ESRRB: variants seen among roughly 807,000 people sequenced by gnomAD.
ESRRB encodes estrogen related receptor beta.
In ESRRB, 16 loss-of-function variants were observed where a neutral mutation model predicts 46.0. The observed-to-expected ratio is 0.35, with a 90% confidence interval of 0.24 to 0.53. The LOEUF is 0.53. Ranked by LOEUF, ESRRB falls within the 20% of genes least tolerant of loss-of-function variation. The pLI is 0.93. For missense variants in ESRRB, 488 were observed against 607.4 expected (o/e 0.80, Z 2.07); for synonymous variants, 246 against 259.6 (o/e 0.95, Z 0.50).
chr14:76,491,542 T>C lies in ESRRB; in HGVS notation c.946T>C (p.Tyr316His), dbSNP rs1479317491. The stretch of plus-strand genomic sequence containing the variant: ...GGGCATCGTGTACCGCTCGCTGCCC[T>C]ATGACGACAAGCTGGTGTACGCTGA... ...ILGIVYRSLP[Y>H]DDKLVYAEDY... Residue 316 changes from tyrosine (Y) to histidine (H), a missense_variant, in exon 6 of 7, where the codon TAT (tyrosine) becomes CAT (histidine). Transcript: ENST00000644823. 6.3e-7 allele frequency: 1 copy of C among 1,597,482 alleles called. No homozygotes were observed. Among genetic ancestry groups the C allele is most frequent in the Non-Finnish European group, 8.5e-7 (1 of 1,172,424 alleles).
intron 5 of ESRRB, among the ~76,000 whole-genome samples, chr14:76,485,307 C>T (rs1295328564): frequency 2.2e-5 from 3 of 135,482 alleles, no homozygotes; most frequent in Non-Finnish European, 4.6e-5. Context: ...GTGGTGCGAT[C>T]TCGGCTCACT....
intron 3 of ESRRB, among the ~76,000 whole-genome samples, chr14:76,469,929 G>GTTTTTTTTTTTTTCT (rs1889295075): frequency 1.3e-5 from 1 of 78,754 alleles, no homozygotes; most frequent in African/African-American, 4.0e-5. Flanking sequence ...GTTTTTTGTT[G>GTTTTTTTTTTTTTCT]TTTTTTTTTT....
At chr14:76,451,946 A>AT (rs34732084) in intron 2 of ESRRB, among the ~76,000 whole-genome samples, 23 of 139,856 alleles carry the variant, frequency 1.6e-4, no homozygotes, top group South Asian at 2.3e-4. Flanking sequence ...GCAGGAAGCA[A>AT]TTTTTTTTTT....
chr14:76,352,520 A>G (rs1350046561), intron 1 of ESRRB, among the ~76,000 whole-genome samples: 2 of 152,192 alleles, frequency 1.3e-5, no homozygotes, highest in Admixed American at 6.5e-5. Context: ...CTAGAGAAGT[A>G]TTATTACAGG....
chr14:76,364,405 G>A (rs1305753266), intron 1 of ESRRB, among the ~76,000 whole-genome samples: 3 of 152,050 alleles, frequency 2.0e-5, no homozygotes, highest in Non-Finnish European at 4.4e-5. Context: ...AATGTCCTAA[G>A]GGGCCAGGCG....
chr14:76,344,863 G>T (rs1057080904), intron 1 of ESRRB, among the ~76,000 whole-genome samples: 18 of 149,316 alleles, frequency 1.2e-4, no homozygotes, highest in African/African-American at 3.8e-4. Context: ...AAAAAAAAAA[G>T]AATAATAGTG....
chr14:76,409,004 G>A (rs1886319067), intron 1 of ESRRB, among the ~76,000 whole-genome samples: 1 of 152,160 alleles, frequency 6.6e-6, no homozygotes, highest in Non-Finnish European at 1.5e-5. Flanking sequence ...TTAAGGCCAT[G>A]CAGGTAGTGA....
intron 2 of ESRRB, among the ~76,000 whole-genome samples, chr14:76,450,146 G>T (rs1055373424): frequency 2.0e-5 from 3 of 152,132 alleles, no homozygotes; most frequent in Non-Finnish European, 4.4e-5. Flanking sequence ...TGAGAAAGGG[G>T]GGGGGTCTCA....
chr14:76,376,123 G>T (rs920986099), upstream of ESRRB: 13 of 318,302 alleles, frequency 4.1e-5, no homozygotes, highest in African/African-American at 2.4e-4. The surrounding 1 kb of genome is among the most constrained non-coding windows in gnomAD (Gnocchi z 4.1). Context: ...GCTACAGTAG[G>T]GTTAGTGGGC....
chr14:76,327,238 C>T (rs144839338), intron 1 of ESRRB, among the ~76,000 whole-genome samples: 1 of 152,236 alleles, frequency 6.6e-6, no homozygotes, highest in Non-Finnish European at 1.5e-5. Flanking sequence ...GCTGGGGACC[C>T]ACGTGGGGGT....
intron 1 of ESRRB, among the ~76,000 whole-genome samples, chr14:76,396,771 A>G (rs1242900121): frequency 6.6e-6 from 1 of 152,144 alleles, no homozygotes; most frequent in African/African-American, 2.4e-5. Flanking sequence ...CCGGAGGCTC[A>G]ACTTCCGGAG....
At chr14:76,464,397 G>A (rs539256050) in intron 3 of ESRRB, among the ~76,000 whole-genome samples, 1 of 152,316 alleles carries the variant, frequency 6.6e-6, no homozygotes, top group South Asian at 2.1e-4. Flanking sequence ...ATGTGCTATA[G>A]AAATTGGACC....
At chr14:76,427,249 G>C in intron 1 of ESRRB, among the ~76,000 whole-genome samples, 1 of 152,160 alleles carries the variant, frequency 6.6e-6, no homozygotes, top group East Asian at 1.9e-4. Flanking sequence ...GGCCCAGCTT[G>C]GATCAGGAGC....
At chr14:76,365,871 G>T (rs61979383) in intron 1 of ESRRB, among the ~76,000 whole-genome samples, 1 of 151,988 alleles carries the variant, frequency 6.6e-6, no homozygotes, top group Admixed American at 6.6e-5. Context: ...ACTTTTAGTC[G>T]GTGTAAGTCT....
chr14:76,322,755 T>C (rs1347998384), intron 1 of ESRRB, among the ~76,000 whole-genome samples: 1 of 152,200 alleles, frequency 6.6e-6, no homozygotes, highest in Non-Finnish European at 1.5e-5. Context: ...AGTGGGGTCT[T>C]CTGCCGATGC....
intron 5 of ESRRB, among the ~76,000 whole-genome samples, chr14:76,490,946 A>G (rs1446889717): frequency 3.3e-5 from 5 of 152,128 alleles, no homozygotes; most frequent in Admixed American, 1.3e-4. Context: ...GTTCTTGGTC[A>G]GGCCCGTGGG....
chr14:76,385,211 A>AG (rs1555392108), intron 1 of ESRRB, among the ~76,000 whole-genome samples: 369 of 111,876 alleles, frequency 3.3e-3, no homozygotes, highest in African/African-American at 0.011. Context: ...TCTTTTCCTC[A>AG]GGAAAAAAAA....
At chr14:76,332,791 A>T (rs184451838) in intron 1 of ESRRB, among the ~76,000 whole-genome samples, 1,820 of 8,160 alleles carry the variant, frequency 0.22, 208 homozygotes, top group Middle Eastern at 0.33. Flanking sequence ...ATTATATATA[A>T]ATATATAATA....
chr14:76,465,055 G>A (rs1414877396), intron 3 of ESRRB, among the ~76,000 whole-genome samples: 1 of 152,168 alleles, frequency 6.6e-6, no homozygotes, highest in Admixed American at 6.5e-5. Context: ...GTCACAGCGT[G>A]CAGCCTCCCT....
Sources: allele counts gnomAD v4.1 joint callset (sites outside exome capture counted in the v4.1 genomes callset), GRCh38; gene constraint gnomAD v4.1.1; non-coding constraint Gnocchi (gnomAD v3.1); transcripts MANE v1.5; gene names NCBI Gene and HGNC (gene_info 2026-07-23, HGNC 2026-07-21).